Variants in HDAC9 observed in about 807,000 individuals in gnomAD.
The protein encoded by HDAC9 is MEF-2 interacting transcription repressor (MITR) protein.
Under a neutral mutation model 139.4 loss-of-function variants are expected in HDAC9, and 41 were observed. The observed-to-expected ratio is 0.29, with a 90% CI of 0.23 to 0.38. The LOEUF (loss-of-function observed/expected upper bound fraction) is 0.38. Ranked by LOEUF, HDAC9 falls within the 10% of genes least tolerant of loss-of-function variation. The pLI, the probability that HDAC9 is intolerant of heterozygous loss-of-function variation, is 1.00. For missense variants in HDAC9, 1,147 were observed against 1,297.0 expected (o/e 0.88, Z 1.78); for synonymous variants, 517 against 476.2 (o/e 1.09, Z -1.12).
rs181257579 is a variant in HDAC9 at position 18,318,247 on chromosome 7, C to G, written c.-42+27732C>G. ...AATTACAATAGGACTGTAGCTCAGGCCAAGGGATTAATAGAAAGATTAAAT... is the reference window on the plus strand; with the variant it reads ...AATTACAATAGGACTGTAGCTCAGGGCAAGGGATTAATAGAAAGATTAAAT... On this transcript the variant is annotated intron_variant, in intron 1 of 3. Coordinates refer to the HDAC9 transcript ENST00000413509. Among the ~76,000 whole-genome samples, 1,198 of 152,144 alleles carry G rather than the reference C, an allele frequency of 7.9e-3. 3 individuals are homozygous for G. Among genetic ancestry groups the G allele is most frequent in the Non-Finnish European group, 0.011 (751 of 67,984 alleles).
At chr7:18,159,302 C>G (rs17345892) in intron 1 of HDAC9, among the ~76,000 whole-genome samples, 2 of 152,004 alleles carry the variant, frequency 1.3e-5, no homozygotes, top group Non-Finnish European at 2.9e-5. Flanking sequence ...AGGCGAGTTT[C>G]CTATTATTTC....
At chr7:18,259,462 C>T (rs1795504308) in intron 2 of HDAC9, among the ~76,000 whole-genome samples, 2 of 152,062 alleles carry the variant, frequency 1.3e-5, no homozygotes, top group South Asian at 2.1e-4. Flanking sequence ...TCCCAGGCTC[C>T]AGAGATCCTC....
Position 18,149,836 on chromosome 7 carries a change from A to G in HDAC9, c.-96-12393A>G, listed in dbSNP as rs184172810. ...CCCAAAGTGCTGGGATTACAGGCATAAGCCACTGCGCCCAGCCCAGTTTTT... is the reference window on the plus strand; with the variant it reads ...CCCAAAGTGCTGGGATTACAGGCATGAGCCACTGCGCCCAGCCCAGTTTTT... On this transcript the variant is annotated intron_variant, in intron 1 of 12. Transcript: ENST00000417496. Among the ~76,000 whole-genome samples, 468 of 152,068 alleles carry G rather than the reference A, an allele frequency of 3.1e-3. 3 individuals carry two copies. The highest frequency in any genetic ancestry group is 8.0e-3 in the African/African-American group (332 of 41,502).
At chr7:18,109,893 C>G (rs1268275425) in intron 1 of HDAC9, among the ~76,000 whole-genome samples, 4 of 152,126 alleles carry the variant, frequency 2.6e-5, no homozygotes, top group African/African-American at 9.7e-5. Context: ...AGTCATTGCC[C>G]CCACATCAAT....
intron 1 of HDAC9, among the ~76,000 whole-genome samples, chr7:18,441,448 G>A (rs1292135983): frequency 1.3e-5 from 2 of 152,098 alleles, no homozygotes; most frequent in Admixed American, 6.5e-5. Context: ...AGTATTAGGT[G>A]CATATAAAAT....
intron 12 of HDAC9, among the ~76,000 whole-genome samples, chr7:18,680,718 C>T (rs1191225115): frequency 1.3e-5 from 2 of 152,016 alleles, no homozygotes; most frequent in East Asian, 1.9e-4. Flanking sequence ...AAAGCTGTTT[C>T]CTGCTATTTA....
chr7:18,819,965 G>A lies in HDAC9; in HGVS notation c.2323-9196G>A, dbSNP rs376077669. Among the ~76,000 whole-genome samples, 330 of 152,146 alleles carry A rather than the reference G, an allele frequency of 2.2e-3. 2 individuals carry two copies. The highest frequency in any genetic ancestry group is 3.9e-3 in the Non-Finnish European group (265 of 67,990). On this transcript the variant is annotated intron_variant, in intron 17 of 25. Transcript: ENST00000686413. ...GCAAAGAGTTTTTCCATGTTATTATGTAGAAAAAAATCTAAATTGTATTGC... is the reference window on the plus strand; with the variant it reads ...GCAAAGAGTTTTTCCATGTTATTATATAGAAAAAAATCTAAATTGTATTGC...
intron 25 of HDAC9, among the ~76,000 whole-genome samples, chr7:18,976,403 A>AAAT (rs1297386230): frequency 1.3e-5 from 2 of 152,202 alleles, no homozygotes; most frequent in Non-Finnish European, 2.9e-5. Flanking sequence ...TGGATAGCCA[A>AAAT]AATACATACA....
intron 1 of HDAC9, among the ~76,000 whole-genome samples, chr7:18,124,400 G>A (rs1784533966): frequency 6.6e-6 from 1 of 152,174 alleles, no homozygotes; most frequent in South Asian, 2.1e-4. Context: ...ATAAAACAAG[G>A]AGGTGGGATA....
chr7:18,591,535 A>C lies in HDAC9; in HGVS notation c.435A>C (p.Glu145Asp). Residue 145 changes from glutamate to aspartate, a missense_variant, in exon 5 of 26, where the codon GAA becomes GAC. Physicochemically the swap from Glu to Asp is conservative, Grantham distance 45 (BLOSUM62 2). Transcript: ENST00000686413. ...TTTCAGGGGCAGTGGCAAGTACAGA[A>C]GTAAAGCAGAAGCTTCAAGAGTTCC... ...RGRERAVAST[E>D]VKQKLQEFLL... 6.3e-7 allele frequency: 1 copy of C among 1,597,810 alleles called. No individual in the cohort carries two copies. Among genetic ancestry groups the C allele is most frequent in the Non-Finnish European group, 8.5e-7 (1 of 1,172,174 alleles).
intron 1 of HDAC9, among the ~76,000 whole-genome samples, chr7:18,428,758 G>T (rs913922795): frequency 6.6e-6 from 1 of 152,118 alleles, no homozygotes; most frequent in Non-Finnish European, 1.5e-5. Flanking sequence ...ATCTGCCTCA[G>T]AGTAAAAGCA....
At chr7:18,768,778 T>TA (rs1258659278) in intron 16 of HDAC9, among the ~76,000 whole-genome samples, 2 of 152,172 alleles carry the variant, frequency 1.3e-5, no homozygotes, top group East Asian at 3.9e-4. Flanking sequence ...ATCCCTGAGT[T>TA]ATGATGGTTC....
At chr7:18,239,850 T>G (rs1794071486) in intron 2 of HDAC9, among the ~76,000 whole-genome samples, 1 of 152,004 alleles carries the variant, frequency 6.6e-6, no homozygotes, top group Non-Finnish European at 1.5e-5. Flanking sequence ...CCAAGGTAAG[T>G]AGGCAAATAA....
intron 24 of HDAC9, among the ~76,000 whole-genome samples, chr7:18,963,523 T>C (rs1269833234): frequency 6.6e-6 from 1 of 152,174 alleles, no homozygotes; most frequent in Non-Finnish European, 1.5e-5. Flanking sequence ...AAATGAGATA[T>C]ATTAGAATAA....
chr7:18,701,529 T>A lies in HDAC9; in HGVS notation c.1732-26051T>A, dbSNP rs145870611. Among the ~76,000 whole-genome samples, 673 of 152,284 alleles carry A rather than the reference T, an allele frequency of 4.4e-3. 2 individuals carry two copies. The highest frequency in any genetic ancestry group is 0.016 in the African/African-American group (646 of 41,546). On this transcript the variant is annotated intron_variant, in intron 12 of 25. Coordinates refer to ENST00000686413, the MANE Select transcript of HDAC9 (RefSeq NM_178425.4). Reference sequence around the variant, plus strand: ...TAAAGGCAATTTCCTAAAGATGAGTTATTTTTTGTTAATGTCCGTTAGATA... The same window carrying A: ...TAAAGGCAATTTCCTAAAGATGAGTAATTTTTTGTTAATGTCCGTTAGATA...
intron 3 of HDAC9, among the ~76,000 whole-genome samples, chr7:18,586,513 G>A (rs918118600): frequency 2.6e-5 from 4 of 151,984 alleles, no homozygotes; most frequent in African/African-American, 9.7e-5. Flanking sequence ...TGCATATCAA[G>A]TACAAGCACA....
chr7:18,196,699 T>A (rs1401561725), intron 2 of HDAC9, among the ~76,000 whole-genome samples: 3 of 152,116 alleles, frequency 2.0e-5, no homozygotes, highest in African/African-American at 7.2e-5. Context: ...AAAAAACATT[T>A]CTGAAAATAA....
chr7:18,567,042 T>G (rs932988368), intron 2 of HDAC9, among the ~76,000 whole-genome samples: 16 of 152,184 alleles, frequency 1.1e-4, no homozygotes, highest in South Asian at 2.1e-4. Flanking sequence ...TCTTAGGTGG[T>G]GCCTTAGTCA....
intron 2 of HDAC9, among the ~76,000 whole-genome samples, chr7:18,183,947 A>G (rs1562720693): frequency 6.6e-6 from 1 of 152,214 alleles, no homozygotes; most frequent in African/African-American, 2.4e-5. Flanking sequence ...TCACTATTAA[A>G]TAATCCAGGA....
Sources: allele counts gnomAD v4.1 joint callset (sites outside exome capture counted in the v4.1 genomes callset), GRCh38; gene constraint gnomAD v4.1.1; transcripts MANE v1.5; gene names NCBI Gene and HGNC (gene_info 2026-07-23, HGNC 2026-07-21).